Variants in PNPLA3 observed in about 807,000 individuals in gnomAD.
PNPLA3 encodes the protein 1-acylglycerol-3-phosphate O-acyltransferase PNPLA3.
A neutral mutation model predicts 43.1 loss-of-function variants in PNPLA3; 42 were observed. The observed-to-expected ratio is 0.97, with a 90% CI of 0.76 to 1.26. PNPLA3 has a LOEUF of 1.26. Among genes scored for constraint, PNPLA3 ranks in the 50% most tolerant of loss-of-function variants. The probability of loss-of-function intolerance (pLI) is 0.00; values close to 1 mark genes in which losing one functional copy is unlikely to be tolerated. For missense variants in PNPLA3, 647 were observed against 621.4 expected, an observed-to-expected ratio of 1.04 and a Z score of -0.44; for synonymous variants, 272 against 253.6, an observed-to-expected ratio of 1.07 and a Z score of -0.69.
chr22:43,946,815 G>A lies in PNPLA3; in HGVS notation c.*433G>A, dbSNP rs971190609. Reference sequence around the variant, plus strand: ...CATGATCCCACTTCCCCATGCTGTGGGAAGGGGTGCAGTTCGTCCCCAAGA... The same window carrying A: ...CATGATCCCACTTCCCCATGCTGTGAGAAGGGGTGCAGTTCGTCCCCAAGA... On this transcript the variant is annotated 3_prime_UTR_variant, in exon 9 of 9. Transcript: ENST00000216180. 1 of 500,172 alleles carries A rather than the reference G, an allele frequency of 2.0e-6. No homozygotes were observed. Among genetic ancestry groups the A allele is most frequent in the African/African-American group, 1.9e-5 (1 of 51,588 alleles). 31.0% of individuals were successfully genotyped at this position (500,172 alleles called of 1,614,324 possible). A position where few individuals can be genotyped will look rare whatever the true frequency, so the allele number is the denominator to read the frequency against.
chr22:43,932,873 A>C lies in PNPLA3; in HGVS notation c.487-5A>C. ...GTGCCAGTCCTTTTTCCCCTTCTTT[A>C]AAAGCGATATGTGGATGGAGGAGTG... On this transcript the variant is annotated splice_region_variant and splice_polypyrimidine_tract_variant and intron_variant, in intron 3 of 8. Coordinates refer to ENST00000216180, the MANE Select transcript of PNPLA3 (RefSeq NM_025225.3). The C allele has an allele frequency of 6.2e-7, 1 of 1,613,916 alleles. No individual in the cohort carries two copies. Among genetic ancestry groups the C allele is most frequent in the Non-Finnish European group, 8.5e-7 (1 of 1,179,822 alleles).
Position 43,924,037 on chromosome 22 carries a change from G to A in PNPLA3, c.126G>A (p.Met42Ile), listed in dbSNP as rs1387538613. 6.3e-7 allele frequency: 1 copy of A among 1,580,972 alleles called. No homozygotes were observed. The highest frequency in any genetic ancestry group is 8.5e-7 in the Non-Finnish European group (1 of 1,172,574). The change falls in exon 1 of 9, where the codon ATG (methionine) becomes ATA (isoleucine). Residue 42 changes from methionine to isoleucine, a missense_variant. Transcript: ENST00000216180. ...HAPHLLRDARMLFGASAGALH... is the reference protein window; with the variant it reads ...HAPHLLRDARILFGASAGALH... ...CGCACCTCCTCCGCGACGCGCGCAT[G>A]TTGTTCGGCGCTTCGGCCGGGGCGT...
intron 5 of PNPLA3, 27 bp downstream of exon 5, chr22:43,934,693 A>T: frequency 2.5e-6 from 4 of 1,590,444 alleles, no homozygotes; most frequent in Non-Finnish European, 2.6e-6. Flanking sequence ...AGGATCAGCC[A>T]TGCCCTTTTG....
intron 7 of PNPLA3, among the ~76,000 whole-genome samples, chr22:43,944,268 T>C (rs1380375656): frequency 6.6e-6 from 1 of 152,098 alleles, no homozygotes; most frequent in African/African-American, 2.4e-5. Flanking sequence ...TTTATGTGTC[T>C]GGGGGATGGA....
chr22:43,944,753 A>G lies in PNPLA3; in HGVS notation c.1175A>G (p.Gln392Arg), dbSNP rs767733212. 2 of 1,614,200 alleles carry G rather than the reference A, an allele frequency of 1.2e-6. No homozygotes were observed. The highest frequency in any genetic ancestry group is 1.7e-6 in the Non-Finnish European group (2 of 1,180,034). Residue 392 changes from glutamine to arginine, a missense_variant, in exon 8 of 9, where the codon CAG becomes CGG. By Grantham distance (43) the Gln-to-Arg change is conservative. Transcript: ENST00000216180. Reference protein sequence around the residue: ...DVLWLQWVTSQVFTRVLMCLL... With the variant: ...DVLWLQWVTSRVFTRVLMCLL... ...CTGTGGTTGCAGTGGGTGACCTCACAGGTGTTCACTCGAGTGCTGATGTGT... is the reference window on the plus strand; with the variant it reads ...CTGTGGTTGCAGTGGGTGACCTCACGGGTGTTCACTCGAGTGCTGATGTGT...
At chr22:43,927,252 A>G (rs773594063) in intron 2 of PNPLA3, 85 bp downstream of exon 2, 84 of 1,301,850 alleles carry the variant, frequency 6.5e-5, no homozygotes, top group Non-Finnish European at 8.6e-5. Flanking sequence ...TCATCCCGGC[A>G]CTTTGGGAGG....
rs753837923 is a variant in PNPLA3, at chr22:43,927,030, C to T, written c.283C>T (p.Arg95Ter). 3.3e-5 allele frequency: 54 copies of T among 1,614,096 alleles called. No homozygotes were observed. The highest frequency in any genetic ancestry group is 1.6e-4 in the Middle Eastern group (1 of 6,084). The change falls in exon 2 of 9, where the codon CGA (arginine) becomes TGA (stop). Residue 95 changes from arginine (R) to a stop codon, truncating the protein, a stop_gained. Coordinates refer to ENST00000216180, the MANE Select transcript of PNPLA3 (RefSeq NM_025225.3). LOFTEE classifies it high-confidence loss of function. ...ATCCTTCAACTTAAGCAAGTTCCTC[C>T]GACAGGGTCTCTGCAAATGCCTCCC... ...HPSFNLSKFLRQGLCKCLPAN... is the reference protein window; with the variant it reads ...HPSFNLSKFL
intron 5 of PNPLA3, 136 bp from the exon 6 acceptor site, chr22:43,936,915 C>T: frequency 1.4e-6 from 1 of 698,764 alleles, no homozygotes; most frequent in African/African-American, 1.7e-5. Flanking sequence ...TGCTCGTTCT[C>T]TTCCCTTCCC....
rs375342777 is a variant in PNPLA3 at position 43,927,144 on chromosome 22, C to T, written c.397C>T (p.Arg133Trp). ...GGAAAACGTTCTGGTGTCTGACTTT[C>T]GGTCCAAAGACGAAGTCGTGGATGT... ...DGENVLVSDF[R>W]SKDEVVDALV... Residue 133 changes from arginine to tryptophan, a missense_variant, in exon 2 of 9, where the codon CGG (arginine) becomes TGG (tryptophan). Physicochemically the swap from Arg to Trp is moderately radical, Grantham distance 101. Transcript: ENST00000216180. 15 of 1,614,064 alleles carry T rather than the reference C, an allele frequency of 9.3e-6. No individual in the cohort carries two copies. The highest frequency in any genetic ancestry group is 8.0e-5 in the African/African-American group (6 of 74,942).
At chr22:43,925,980 C>G (rs975627563) in intron 1 of PNPLA3, among the ~76,000 whole-genome samples, 6 of 152,212 alleles carry the variant, frequency 3.9e-5, no homozygotes, top group Admixed American at 1.3e-4. Context: ...ACCACCAAGT[C>G]CCTGGAAGGT....
At position 43,932,877 on chromosome 22, in the gene PNPLA3, G is replaced by A. The variant is rs1283822710; in HGVS notation, c.487-1G>A. 6.2e-7 allele frequency: 1 copy of A among 1,614,096 alleles called. No individual in the cohort carries two copies. Among genetic ancestry groups the A allele is most frequent in the Non-Finnish European group, 8.5e-7 (1 of 1,179,948 alleles). Reference sequence around the variant, plus strand: ...CAGTCCTTTTTCCCCTTCTTTAAAAGCGATATGTGGATGGAGGAGTGAGTG... The same window carrying A: ...CAGTCCTTTTTCCCCTTCTTTAAAAACGATATGTGGATGGAGGAGTGAGTG... On this transcript the variant is annotated splice_acceptor_variant, in intron 3 of 8. Coordinates refer to ENST00000216180, the MANE Select transcript of PNPLA3 (RefSeq NM_025225.3). LOFTEE classifies it high-confidence loss of function.
At chr22:43,945,119 G>A (rs1053981266) in intron 8 of PNPLA3, among the ~76,000 whole-genome samples, 3 of 152,228 alleles carry the variant, frequency 2.0e-5, no homozygotes, top group Non-Finnish European at 4.4e-5. Context: ...GCTGGGATGA[G>A]GACTGGGGAG....
chr22:43,941,219 C>T lies in PNPLA3; in HGVS notation c.1112+1094C>T, dbSNP rs368774190. ...AGGGAATTCCATCTTTCGTTCTAGG[C>T]ATAGTTTGTTAATATGATTCAGAGC... On this transcript the variant is annotated intron_variant, in intron 7 of 8. Coordinates refer to ENST00000216180, the MANE Select transcript of PNPLA3 (RefSeq NM_025225.3). Among the ~76,000 whole-genome samples the T allele has an allele frequency of 2.7e-5, 4 of 149,724 alleles. No individual in the cohort carries two copies. The East Asian group carries it at 5.9e-4, about 22-fold the overall frequency.
chr22:43,928,447 C>T (rs1242540061), intron 2 of PNPLA3, among the ~76,000 whole-genome samples: 1 of 152,162 alleles, frequency 6.6e-6, no homozygotes, highest in Admixed American at 6.5e-5. Context: ...CGCAGAATCT[C>T]TGGTTCCACA....
rs939381096 is a variant in PNPLA3 at position 43,935,433 on chromosome 22, T to C, written c.757+767T>C. On this transcript the variant is annotated intron_variant, in intron 5 of 8. Transcript: ENST00000216180. ...AAGCAGAAGGGTGATGCTGTGTCGA[T>C]GGGAAAGTACAGGTGCCAATGAGAA... is the stretch of plus-strand genomic sequence containing the variant. Among the ~76,000 whole-genome samples the C allele has an allele frequency of 7.2e-5, 11 of 151,924 alleles. No individual in the cohort carries two copies. In the East Asian group the frequency reaches 1.7e-3, roughly 24 times the overall value.
At chr22:43,939,884 T>TA (rs776329567) in intron 6 of PNPLA3, 109 bp from the exon 7 acceptor site, 132 of 1,516,092 alleles carry the variant, frequency 8.7e-5, no homozygotes, top group Non-Finnish European at 1.2e-4. Context: ...CTCTGACCCT[T>TA]TGGCTGCCAG....
intron 3 of PNPLA3, among the ~76,000 whole-genome samples, chr22:43,930,941 C>G (rs1187163703): frequency 6.6e-6 from 1 of 152,076 alleles, no homozygotes; most frequent in African/African-American, 2.4e-5. Context: ...CTGGCTAACA[C>G]AGTGAAACCT....
At chr22:43,927,235 A>C (rs548796669) in intron 2 of PNPLA3, 68 bp downstream of exon 2, 20 of 1,446,530 alleles carry the variant, frequency 1.4e-5, no homozygotes, top group African/African-American at 2.8e-5. Flanking sequence ...GTGGTGGCTC[A>C]TGCCTGTCAT....
rs2049971561 is a variant in PNPLA3, at chr22:43,932,991, G to A, written c.600G>A (p.Thr200=). Residue 200 remains threonine (T), a synonymous_variant, in exon 4 of 9, where the codon ACG becomes ACA. Coordinates refer to ENST00000216180, the MANE Select transcript of PNPLA3 (RefSeq NM_025225.3). ...ACATCTGCCCTAAAGTCAAGTCCACGAACTTTCTTCATGTGGACATCACCA... is the reference window on the plus strand; with the variant it reads ...ACATCTGCCCTAAAGTCAAGTCCACAAACTTTCTTCATGTGGACATCACCA... ...EYDICPKVKS[T]NFLHVDITKL... The A allele has an allele frequency of 1.2e-6, 2 of 1,614,086 alleles. No individual in the cohort carries two copies. Among genetic ancestry groups the A allele is most frequent in the South Asian group, 1.1e-5 (1 of 91,074 alleles).
Sources: gnomAD v4.1 joint callset for allele counts (sites outside exome capture counted in the v4.1 genomes callset) on GRCh38, gnomAD v4.1.1 for gene constraint, MANE v1.5 for transcripts, NCBI Gene and HGNC (gene_info 2026-07-23, HGNC 2026-07-21) for gene names.